The following MS4A8 variants were observed in gnomAD, a reference collection of about 807,000 sequenced individuals.
MS4A8 encodes the protein membrane spanning 4-domains A8, also known as membrane-spanning 4-domains subfamily A member 8.
MS4A8 carries 27 observed loss-of-function variants against 23.7 expected under a neutral mutation model. The observed-to-expected ratio is 1.14, with a 90% CI of 0.84 to 1.57. The LOEUF (loss-of-function observed/expected upper bound fraction) is 1.57. Ranked by LOEUF, MS4A8 falls within the 40% of genes most tolerant of loss-of-function variation. The pLI, the probability that MS4A8 is intolerant of heterozygous loss-of-function variation, is 0.00. For synonymous variants in MS4A8, 138 were observed against 126.3 expected, an observed-to-expected ratio of 1.09 and a Z score of -0.62; for missense variants, 301 against 311.4, an observed-to-expected ratio of 0.97 and a Z score of 0.25.
At chr11:60,703,591 A>G (rs1359715780) in intron 3 of MS4A8, 91 bp downstream of exon 3, 7 of 1,473,960 alleles carry the variant, frequency 4.7e-6, no homozygotes, top group African/African-American at 2.9e-5. Flanking sequence ...TGTGCCCTGC[A>G]GAAGGTTCCC....
intron 5 of MS4A8, among the ~76,000 whole-genome samples, 167 bp from the exon 6 acceptor site, chr11:60,714,854 C>A (rs1263961428): frequency 1.3e-5 from 2 of 152,120 alleles, no homozygotes; most frequent in Non-Finnish European, 2.9e-5. Flanking sequence ...CTTTTACCCC[C>A]ATACTTGATA....
At chr11:60,705,412 C>G (rs2088247294) in intron 3 of MS4A8, among the ~76,000 whole-genome samples, 1 of 152,254 alleles carries the variant, frequency 6.6e-6, no homozygotes, top group Non-Finnish European at 1.5e-5. Context: ...GCTGCTGAGT[C>G]CCTTCAGCCC....
In MS4A8 at chr11:60,715,080, C is replaced by G. The variant is rs35356499; in HGVS notation, c.594C>G (p.Ile198Met). The stretch of plus-strand genomic sequence containing the variant: ...TCTTCTGCCTCCTGGAGTTTGGCAT[C>G]GCATGCGCATCTTCCCACTTTGGCT... The part of the protein sequence containing the change: ...LLVFCLLEFG[I>M]ACASSHFGCQ... The change falls in exon 6 of 7, where the codon ATC becomes ATG. Residue 198 changes from isoleucine (I) to methionine (M), a missense_variant. Coordinates refer to ENST00000300226, the MANE Select transcript of MS4A8 (RefSeq NM_031457.2). 11 of 1,614,118 alleles carry G rather than the reference C, an allele frequency of 6.8e-6. No homozygotes were observed. The East Asian group carries it at 2.5e-4, about 36-fold the overall frequency.
At chr11:60,713,908 T>TC (rs1249405756) in intron 5 of MS4A8, among the ~76,000 whole-genome samples, 1 of 139,932 alleles carries the variant, frequency 7.1e-6, no homozygotes, top group Non-Finnish European at 1.5e-5. Flanking sequence ...TGGTGATGAC[T>TC]CTTTTTTTTT....
At chr11:60,703,338 G>A in intron 2 of MS4A8, 40 bp from the exon 3 acceptor site, 1 of 1,496,696 alleles carries the variant, frequency 6.7e-7, no homozygotes, top group East Asian at 2.7e-5. Flanking sequence ...GCAGGACCCA[G>A]CCTCAGAAAC....
chr11:60,715,266 G>A (rs756313113), intron 6 of MS4A8, 44 bp from the exon 7 acceptor site: 1 of 1,573,220 alleles, frequency 6.4e-7, no homozygotes, highest in African/African-American at 1.4e-5. Context: ...TTGGTGCATG[G>A]CCCGTCCTTC....
intron 3 of MS4A8, among the ~76,000 whole-genome samples, chr11:60,705,095 A>C (rs2088244731): frequency 6.6e-6 from 1 of 152,200 alleles, no homozygotes; most frequent in South Asian, 2.1e-4. Flanking sequence ...GCCTAGAGCT[A>C]TCTCCATCCC....
chr11:60,715,499 G>T lies in MS4A8; in HGVS notation c.*85G>T. 1 of 1,014,180 alleles carries T rather than the reference G, an allele frequency of 9.9e-7. No individual in the cohort carries two copies. Among genetic ancestry groups the T allele is most frequent in the Non-Finnish European group, 1.5e-6 (1 of 666,516 alleles). 62.8% of individuals were successfully genotyped at this position (1,014,180 alleles called of 1,614,324 possible). ...GGCTTCCATAACCCAGGTCGTTCCTGTTCTGACAGCTGAGGAAACGTCTCT... is the reference window on the plus strand; with the variant it reads ...GGCTTCCATAACCCAGGTCGTTCCTTTTCTGACAGCTGAGGAAACGTCTCT... On this transcript the variant is annotated 3_prime_UTR_variant, in exon 7 of 7. Transcript: ENST00000300226.
At chr11:60,712,338 T>C (rs1450531874) in intron 5 of MS4A8, 6 of 985,200 alleles carry the variant, frequency 6.1e-6, no homozygotes, top group Middle Eastern at 5.2e-4. Context: ...AGATTGTGCC[T>C]CTCAGGATGC....
intron 5 of MS4A8, chr11:60,712,614 C>T (rs536599029): frequency 1.8e-5 from 8 of 436,620 alleles, no homozygotes; most frequent in Non-Finnish European, 2.1e-5. Context: ...GGCAACATGG[C>T]GAAATCCCAT....
chr11:60,702,979 G>C (rs1298937640), intron 2 of MS4A8: 1 of 153,352 alleles, frequency 6.5e-6, no homozygotes, highest in East Asian at 1.9e-4. Context: ...ATAGAAAAAA[G>C]TAGAAATAAT....
intron 5 of MS4A8, among the ~76,000 whole-genome samples, chr11:60,713,841 C>T (rs530073479): frequency 1.2e-4 from 18 of 151,172 alleles, no homozygotes; most frequent in South Asian, 4.2e-4. Flanking sequence ...TGTGGCCTTC[C>T]GCAGTGTTTT....
At position 60,715,595 on chromosome 11, in the gene MS4A8, G is replaced by A. The variant is rs1480752045; in HGVS notation, c.*181G>A. On this transcript the variant is annotated 3_prime_UTR_variant, in exon 7 of 7. Transcript: ENST00000300226. ...AACCATGCTGTTTCTCTATCAAGAA[G>A]AAGACAGAGATTTTAAACAGATGTT... The A allele has an allele frequency of 6.7e-6, 4 of 593,344 alleles. No individual in the cohort carries two copies. Among genetic ancestry groups the A allele is most frequent in the Non-Finnish European group, 1.2e-5 (4 of 335,500 alleles). 36.8% of individuals were successfully genotyped at this position (593,344 alleles called of 1,614,324 possible).
rs1363447587 is a variant in MS4A8 at position 60,714,151 on chromosome 11, C to T, written c.535-870C>T. Among the ~76,000 whole-genome samples, 3 of 147,136 alleles carry T rather than the reference C, an allele frequency of 2.0e-5. 1 individual carries two copies. Among genetic ancestry groups the T allele is most frequent in the African/African-American group, 8.1e-5 (3 of 36,836 alleles). ...TTGTTAGCCAGGATGGTCTCGATCT[C>T]CTGACCTCATGATCCACCCGCCTCG... is the stretch of plus-strand genomic sequence containing the variant. On this transcript the variant is annotated intron_variant, in intron 5 of 6. Coordinates refer to ENST00000300226, the MANE Select transcript of MS4A8 (RefSeq NM_031457.2).
Position 60,700,842 on chromosome 11 carries a change from G to T in MS4A8, c.-1-18G>T. 1 of 1,613,414 alleles carries T rather than the reference G, an allele frequency of 6.2e-7. No individual in the cohort carries two copies. Among genetic ancestry groups the T allele is most frequent in the East Asian group, 2.2e-5 (1 of 44,880 alleles). ...TCCATATGTGAGGGAAAATTCTCTC[G>T]CATTTATTTCTTGGCAGCATGAATT... On this transcript the variant is annotated intron_variant, in intron 1 of 6. Transcript: ENST00000300226.
chr11:60,706,220 G>T (rs964402485), intron 3 of MS4A8, among the ~76,000 whole-genome samples: 2 of 152,134 alleles, frequency 1.3e-5, no homozygotes, highest in Non-Finnish European at 2.9e-5. Context: ...CCCCACAAAT[G>T]GTAGCTCCTA....
chr11:60,714,948 C>A, intron 5 of MS4A8, 73 bp from the exon 6 acceptor site: 2 of 1,034,530 alleles, frequency 1.9e-6, no homozygotes, highest in Non-Finnish European at 3.1e-6. Flanking sequence ...GAGTCCATGG[C>A]AGGGCCCCAG....
chr11:60,715,270 G>A (rs572982136), intron 6 of MS4A8, 40 bp from the exon 7 acceptor site: 22 of 1,584,566 alleles, frequency 1.4e-5, no homozygotes, highest in South Asian at 2.2e-5. Context: ...TGCATGGCCC[G>A]TCCTTCTTAG....
chr11:60,702,132 A>C (rs985392374), intron 2 of MS4A8, among the ~76,000 whole-genome samples: 6 of 152,196 alleles, frequency 3.9e-5, no homozygotes, highest in Non-Finnish European at 8.8e-5. Flanking sequence ...ACCCATCGTA[A>C]ATTAAAAATA....
Sources: gnomAD v4.1 joint callset for allele counts (sites outside exome capture counted in the v4.1 genomes callset) on GRCh38, gnomAD v4.1.1 for gene constraint, MANE v1.5 for transcripts, NCBI Gene and HGNC (gene_info 2026-07-23, HGNC 2026-07-21) for gene names.